GLDN: variants seen among roughly 807,000 people sequenced by gnomAD.
The protein encoded by GLDN is gliomedin, also known as collomin.
In GLDN, 47 loss-of-function variants were observed where a neutral mutation model predicts 56.5. The observed-to-expected ratio is 0.83, with a 90% CI of 0.66 to 1.06. The LOEUF (loss-of-function observed/expected upper bound fraction) is 1.06. Among genes scored for constraint, GLDN ranks in the 50% least tolerant of loss-of-function variants. The pLI is 0.00. For synonymous variants in GLDN, 332 were observed against 278.8 expected (o/e 1.19, Z -1.90); for missense variants, 782 against 714.3 (o/e 1.09, Z -1.08).
chr15:51,390,900 T>C (rs900569686), intron 4 of GLDN, among the ~76,000 whole-genome samples: 1 of 152,182 alleles, frequency 6.6e-6, no homozygotes, highest in Non-Finnish European at 1.5e-5. Context: ...TGTCATAGTG[T>C]CACTGTGCAC....
chr15:51,392,657 C>A (rs2038047865), intron 4 of GLDN, among the ~76,000 whole-genome samples: 1 of 152,196 alleles, frequency 6.6e-6, no homozygotes, highest in Admixed American at 6.5e-5. Flanking sequence ...AGGTTGGGAA[C>A]CACTGTTTTA....
intron 1 of GLDN, among the ~76,000 whole-genome samples, chr15:51,361,666 T>C (rs1322898838): frequency 6.6e-6 from 1 of 152,226 alleles, no homozygotes; most frequent in Non-Finnish European, 1.5e-5. Flanking sequence ...AAAACATATA[T>C]ATATCCCTGT....
At chr15:51,368,221 G>A (rs1020090505) in intron 1 of GLDN, among the ~76,000 whole-genome samples, 3 of 152,248 alleles carry the variant, frequency 2.0e-5, no homozygotes, top group Middle Eastern at 3.4e-3. Context: ...CTGAGAAAGG[G>A]AATGGATAAG....
chr15:51,404,102 C>T (rs1272991886), intron 9 of GLDN, among the ~76,000 whole-genome samples, 175 bp from the exon 10 acceptor site: 4 of 152,196 alleles, frequency 2.6e-5, no homozygotes, highest in Admixed American at 2.6e-4. Flanking sequence ...AGCCTCACTG[C>T]TCACAGCATT....
chr15:51,401,596 T>A lies in GLDN; in HGVS notation c.1031T>A (p.Ile344Asn), dbSNP rs531368721. 6.2e-7 allele frequency: 1 copy of A among 1,613,088 alleles called. No individual in the cohort carries two copies. Among genetic ancestry groups the A allele is most frequent in the Admixed American group, 1.7e-5 (1 of 59,986 alleles). Residue 344 changes from isoleucine to asparagine, a missense_variant, in exon 9 of 10, where the codon ATC (isoleucine) becomes AAC (asparagine). Coordinates refer to ENST00000335449, the MANE Select transcript of GLDN (RefSeq NM_181789.4). Reference protein sequence around the residue: ...RIWVTEHFSGIMVKEFKDQPS... With the variant: ...RIWVTEHFSGNMVKEFKDQPS... ...CTCCCTGGCTTCCCTCCTACAGGCA[T>A]CATGGTTAAGGAATTCAAGGATCAG...
intron 1 of GLDN, among the ~76,000 whole-genome samples, chr15:51,358,019 G>A (rs1426942064): frequency 6.6e-6 from 1 of 152,102 alleles, no homozygotes; most frequent in East Asian, 1.9e-4. Context: ...CTGATAGAAG[G>A]CCTAGGACAT....
intron 1 of GLDN, chr15:51,377,200 A>C (rs1446481952): frequency 5.6e-6 from 3 of 538,352 alleles, no homozygotes; most frequent in Admixed American, 7.1e-5. Context: ...TTGCACCAAG[A>C]CACTACCCCG....
At chr15:51,383,164 C>T (rs1246434945) in intron 2 of GLDN, among the ~76,000 whole-genome samples, 1 of 152,176 alleles carries the variant, frequency 6.6e-6, no homozygotes. Flanking sequence ...AGGTTGACTG[C>T]TTGAGAGATG....
intron 1 of GLDN, among the ~76,000 whole-genome samples, chr15:51,357,549 GCTCT>G (rs1422559830): frequency 5.3e-5 from 8 of 152,304 alleles, no homozygotes; most frequent in African/African-American, 1.7e-4. Context: ...CTGGGAGAGG[GCTCT>G]CTAACAACCC....
chr15:51,400,269 C>T lies in GLDN; in HGVS notation c.895C>T (p.Gln299Ter), dbSNP rs1411089530. ...DEKASEHHSP[Q>*]AESMITSIGN... ...GAAAGCCAGTGAACACCATTCCCCA[C>T]AAGCAGGTATAGAAACAAAGCGTCC... Residue 299 changes from glutamine (Q) to a stop codon, truncating the protein, a stop_gained, in exon 7 of 10, where the codon CAA becomes TAA. Coordinates refer to ENST00000335449, the MANE Select transcript of GLDN (RefSeq NM_181789.4). LOFTEE classifies it high-confidence loss of function. 1 of 1,614,208 alleles carries T rather than the reference C, an allele frequency of 6.2e-7. No homozygotes were observed. The highest frequency in any genetic ancestry group is 2.2e-5 in the East Asian group (1 of 44,890).
rs995654798 is a variant in GLDN at position 51,405,156 on chromosome 15, T to G, written c.*402T>G. Reference sequence around the variant, plus strand: ...ATGCTGACCAAATTTACCTTTGAGTTGATAAGTCCAGTGGCTTGAGTAGTG... The same window carrying G: ...ATGCTGACCAAATTTACCTTTGAGTGGATAAGTCCAGTGGCTTGAGTAGTG... On this transcript the variant is annotated 3_prime_UTR_variant, in exon 10 of 10. Transcript: ENST00000335449. 4.9e-6 allele frequency: 1 copy of G among 205,546 alleles called. No homozygotes were observed. The highest frequency in any genetic ancestry group is 9.9e-6 in the Non-Finnish European group (1 of 101,062). 12.7% of individuals were successfully genotyped at this position (205,546 alleles called of 1,614,324 possible).
At chr15:51,353,714 TAA>T (rs1555401993) in intron 1 of GLDN, among the ~76,000 whole-genome samples, 14 of 72,148 alleles carry the variant, frequency 1.9e-4, no homozygotes, top group African/African-American at 2.6e-4. Context: ...CGGATTTGAT[TAA>T]AAAAAAAAAA....
downstream of GLDN, among the ~76,000 whole-genome samples, chr15:51,412,119 G>A (rs2038471573): frequency 1.3e-5 from 2 of 152,206 alleles, no homozygotes; most frequent in Non-Finnish European, 1.5e-5. Context: ...CAATTCTCAT[G>A]GGAAGCCTAT....
chr15:51,372,405 C>T (rs879130982), intron 1 of GLDN, among the ~76,000 whole-genome samples: 1 of 152,232 alleles, frequency 6.6e-6, no homozygotes, highest in Non-Finnish European at 1.5e-5. Flanking sequence ...CATTGATCTT[C>T]CCACCTGGGA....
At chr15:51,352,273 T>G (rs1595802077) in intron 1 of GLDN, among the ~76,000 whole-genome samples, 1 of 152,268 alleles carries the variant, frequency 6.6e-6, no homozygotes, top group East Asian at 1.9e-4. Flanking sequence ...TTTTTATGAT[T>G]TTATAAAATC....
chr15:51,350,623 T>C (rs2037058777), intron 1 of GLDN, among the ~76,000 whole-genome samples: 1 of 152,160 alleles, frequency 6.6e-6, no homozygotes, highest in Admixed American at 6.5e-5. Context: ...TAAGATTGTG[T>C]CTAGTGGTGT....
At chr15:51,346,004 CT>C (rs1566933642) in intron 1 of GLDN, among the ~76,000 whole-genome samples, 1 of 152,008 alleles carries the variant, frequency 6.6e-6, no homozygotes, top group Non-Finnish European at 1.5e-5. Context: ...ATATACTTAC[CT>C]TTTGTGTTAA....
intron 4 of GLDN, among the ~76,000 whole-genome samples, chr15:51,393,197 A>G (rs986066205): frequency 4.6e-5 from 7 of 152,192 alleles, no homozygotes; most frequent in Non-Finnish European, 1.0e-4. Context: ...TCTTGGTTAA[A>G]TTGCTAATAT....
At chr15:51,348,394 G>A (rs563710944) in intron 1 of GLDN, among the ~76,000 whole-genome samples, 2 of 152,132 alleles carry the variant, frequency 1.3e-5, no homozygotes, top group South Asian at 4.2e-4. Context: ...GTGCAGTGGA[G>A]TGATCATAGC....
Sources: gnomAD v4.1 joint callset for allele counts (sites outside exome capture counted in the v4.1 genomes callset) on GRCh38, gnomAD v4.1.1 for gene constraint, MANE v1.5 for transcripts, NCBI Gene and HGNC (gene_info 2026-07-23, HGNC 2026-07-21) for gene names.